TLK2: variants seen among roughly 807,000 people sequenced by gnomAD.
TLK2 encodes the protein tousled like kinase 2.
In TLK2, 6 loss-of-function variants were observed where a neutral mutation model predicts 117.3. That is an observed-to-expected ratio of 0.05 (90% confidence interval 0.03 to 0.10). The LOEUF (loss-of-function observed/expected upper bound fraction) is 0.10, where lower values mean the gene tolerates loss of function less well. Ranked by LOEUF, TLK2 falls within the 10% of genes least tolerant of loss-of-function variation. The pLI is 1.00. For missense variants in TLK2, 299 were observed against 901.2 expected (o/e 0.33, Z 8.56); for synonymous variants, 257 against 316.7 (o/e 0.81, Z 2.00).
At chr17:62,574,514 G>T (rs1218647782) in intron 12 of TLK2, 4 of 644,406 alleles carry the variant, frequency 6.2e-6, no homozygotes, top group African/African-American at 5.0e-5. Context: ...TCCAAATTTT[G>T]TTGTTGTTGT....
chr17:62,511,752 C>G (rs569720445), intron 2 of TLK2, among the ~76,000 whole-genome samples: 1 of 152,246 alleles, frequency 6.6e-6, no homozygotes, highest in South Asian at 2.1e-4. Context: ...TAGGCCATTC[C>G]TTTTTATTGC....
At chr17:62,490,475 G>C (rs1313481350) in intron 2 of TLK2, among the ~76,000 whole-genome samples, 3 of 152,226 alleles carry the variant, frequency 2.0e-5, no homozygotes, top group Admixed American at 2.0e-4. Context: ...CAGGGTCTGG[G>C]CTTTGACTTT....
rs2078652270 is a variant in TLK2, at chr17:62,553,828, T to C, written c.720+73T>C. On this transcript the variant is annotated intron_variant, in intron 9 of 21. Coordinates refer to ENST00000346027, the MANE Select transcript of TLK2 (RefSeq NM_006852.6). ...ATATATTTGGATTATGTACATATCA[T>C]AGAAGTAATTACTATAGCCAAATAA... is the stretch of plus-strand genomic sequence containing the variant. 6 of 937,638 alleles carry C rather than the reference T, an allele frequency of 6.4e-6. No homozygotes were observed. In the East Asian group the frequency reaches 1.5e-4, roughly 23 times the overall value. The allele number at this position is 937,638 out of a possible 1,614,324, so 58.1% of individuals were successfully genotyped here. A position where few individuals can be genotyped will look rare whatever the true frequency, so the allele number is the denominator to read the frequency against.
At chr17:62,522,054 T>C (rs184884485) in intron 3 of TLK2, 150 bp from the exon 4 acceptor site, 12 of 815,030 alleles carry the variant, frequency 1.5e-5, no homozygotes, top group African/African-American at 1.7e-5. Context: ...CTCTTTGTTA[T>C]ACTCAGTTTT....
intron 2 of TLK2, among the ~76,000 whole-genome samples, chr17:62,499,211 T>C (rs151194035): frequency 0.032 from 4,837 of 151,952 alleles, 98 homozygotes; most frequent in Middle Eastern, 0.11. Context: ...CTTGTTGGTG[T>C]GCGCTTGTAG....
chr17:62,556,091 T>C (rs549186057), intron 9 of TLK2, among the ~76,000 whole-genome samples: 12 of 152,270 alleles, frequency 7.9e-5, no homozygotes, highest in Admixed American at 2.6e-4. Context: ...ATTTTTGTAT[T>C]TTTAATAGAG....
intron 15 of TLK2, among the ~76,000 whole-genome samples, chr17:62,583,538 A>G (rs2081367470): frequency 6.6e-6 from 1 of 151,984 alleles, no homozygotes; most frequent in African/African-American, 2.4e-5. Context: ...TAGTAATTTG[A>G]TCATCCTATT....
At chr17:62,477,747 G>T (rs1366754166), upstream of TLK2, 2 of 152,476 alleles carry the variant, frequency 1.3e-5, no homozygotes, top group East Asian at 3.9e-4. Flanking sequence ...CCGGTGAAGA[G>T]TGATTTTTTT....
chr17:62,549,406 A>G lies in TLK2; in HGVS notation c.532-2896A>G, dbSNP rs959267720. Among the ~76,000 whole-genome samples the G allele has an allele frequency of 6.4e-4, 10 of 15,680 alleles. 1 individual carries two copies. The highest frequency in any genetic ancestry group is 6.2e-4 in the Non-Finnish European group (3 of 4,834). The allele number at this position is 15,680 out of a possible 152,430, so 10.3% of individuals were successfully genotyped here. On this transcript the variant is annotated intron_variant, in intron 7 of 21. Coordinates refer to ENST00000346027, the MANE Select transcript of TLK2 (RefSeq NM_006852.6). ...AGAGCAAGACTCCATCTCAAAAAAA[A>G]AAAAAAAAAAAAAAAAAAAAAAAAA... is the stretch of plus-strand genomic sequence containing the variant.
At chr17:62,562,127 A>G (rs766992985) in intron 10 of TLK2, among the ~76,000 whole-genome samples, 5 of 152,152 alleles carry the variant, frequency 3.3e-5, no homozygotes, top group Non-Finnish European at 7.3e-5. Context: ...TGGGAGGCCA[A>G]TGAGGGTGGA....
chr17:62,482,453 G>GTTT (rs539773483), intron 2 of TLK2, among the ~76,000 whole-genome samples: 5 of 139,612 alleles, frequency 3.6e-5, no homozygotes, highest in Non-Finnish European at 3.1e-5. Flanking sequence ...ATAGGGTTTT[G>GTTT]TTTTTTTTTT....
At chr17:62,576,659 C>A (rs376020449) in intron 12 of TLK2, 50 bp from the exon 13 acceptor site, 346 of 1,406,176 alleles carry the variant, frequency 2.5e-4, no homozygotes, top group Non-Finnish European at 3.3e-4. Flanking sequence ...TTTAAACAGG[C>A]AAACTATGAT....
intron 7 of TLK2, chr17:62,550,658 G>C (rs955879618): frequency 1.3e-5 from 2 of 152,220 alleles, no homozygotes; most frequent in African/African-American, 4.8e-5. Flanking sequence ...GGAAGTGCTA[G>C]TTTGCTCACA....
chr17:62,606,423 TC>T lies in TLK2; in HGVS notation c.1971+184del, dbSNP rs1401227402. Among the ~76,000 whole-genome samples, 29 of 152,324 alleles carry T rather than the reference TC, an allele frequency of 1.9e-4. No individual in the cohort carries two copies. In the South Asian group the frequency reaches 5.2e-3, roughly 27 times the overall value. ...TACAAGCCTTATTCGTAAGCAGAAA[TC>T]CTCAACCCTAGGGCACCTAATGAGT... On this transcript the variant is annotated intron_variant, in intron 20 of 21. Coordinates refer to ENST00000346027, the MANE Select transcript of TLK2 (RefSeq NM_006852.6).
upstream of TLK2, chr17:62,477,509 T>C (rs1400974746): frequency 6.6e-6 from 1 of 152,180 alleles, no homozygotes; most frequent in East Asian, 1.9e-4. Context: ...TGTGTTCTGT[T>C]AAAATATGGA....
intron 7 of TLK2, among the ~76,000 whole-genome samples, chr17:62,544,440 CTA>C (rs1213546431): frequency 6.6e-6 from 1 of 152,168 alleles, no homozygotes; most frequent in African/African-American, 2.4e-5. Flanking sequence ...AACTCACTCA[CTA>C]TCATGAGAAC....
At chr17:62,508,151 A>ATTT (rs377323329) in intron 2 of TLK2, among the ~76,000 whole-genome samples, 101 of 144,514 alleles carry the variant, frequency 7.0e-4, no homozygotes, top group Middle Eastern at 3.6e-3. Context: ...AAACCAGTAA[A>ATTT]TTAAAAAAAT....
At chr17:62,485,757 C>T (rs765808704) in intron 2 of TLK2, among the ~76,000 whole-genome samples, 44 of 149,866 alleles carry the variant, frequency 2.9e-4, no homozygotes, top group Middle Eastern at 3.5e-3. Context: ...CTGGAGCCAT[C>T]GTCTTAGCAG....
intron 2 of TLK2, among the ~76,000 whole-genome samples, chr17:62,514,386 C>G (rs2075392851): frequency 6.6e-6 from 1 of 151,716 alleles, no homozygotes; most frequent in Admixed American, 6.6e-5. Context: ...CTCAAATGAT[C>G]CACCACCTCA....
Sources: allele counts gnomAD v4.1 joint callset (sites outside exome capture counted in the v4.1 genomes callset), GRCh38; gene constraint gnomAD v4.1.1; transcripts MANE v1.5; gene names NCBI Gene and HGNC (gene_info 2026-07-23, HGNC 2026-07-21).